The following SLC25A13 variants were observed in gnomAD, a reference collection of about 807,000 sequenced individuals.
SLC25A13 encodes solute carrier family 25 member 13.
A neutral mutation model predicts 85.5 loss-of-function variants in SLC25A13; 70 were observed. The ratio of observed to expected loss-of-function variants is 0.82; its 90% CI spans 0.68 to 1.00. SLC25A13 has a LOEUF of 1.00. Ranked by LOEUF, SLC25A13 falls within the 50% of genes least tolerant of loss-of-function variation. The probability of loss-of-function intolerance (pLI) is 0.00; values close to 1 mark genes in which losing one functional copy is unlikely to be tolerated. For synonymous variants in SLC25A13, 259 were observed against 288.7 expected, an observed-to-expected ratio of 0.90 and a Z score of 1.04; for missense variants, 765 against 819.8, an observed-to-expected ratio of 0.93 and a Z score of 0.82.
chr7:96,149,857 G>A (rs2116493849), intron 13 of SLC25A13, among the ~76,000 whole-genome samples: 1 of 152,318 alleles, frequency 6.6e-6, no homozygotes, highest in African/African-American at 2.4e-5. Flanking sequence ...CTCTTTTGCA[G>A]AGATCAAAGA....
At chr7:96,275,453 C>G (rs1276667771) in intron 3 of SLC25A13, among the ~76,000 whole-genome samples, 5 of 152,156 alleles carry the variant, frequency 3.3e-5, no homozygotes, top group Non-Finnish European at 7.3e-5. Context: ...TATTGTGGCA[C>G]TATTCACAAT....
At chr7:96,146,524 C>G in intron 14 of SLC25A13, 32 bp downstream of exon 14, 2 of 1,595,698 alleles carry the variant, frequency 1.3e-6, no homozygotes, top group Non-Finnish European at 1.7e-6. Flanking sequence ...AGAAAGTAAT[C>G]AAATAAATGA....
At chr7:96,280,364 C>T (rs934064022) in intron 2 of SLC25A13, among the ~76,000 whole-genome samples, 1 of 152,054 alleles carries the variant, frequency 6.6e-6, no homozygotes, top group African/African-American at 2.4e-5. Flanking sequence ...CCACAAATGA[C>T]CTTTAGAATC....
rs369600768 is a variant in SLC25A13, at chr7:96,249,736, T to C, written c.213-14819A>G. 5.9e-5 allele frequency among the ~76,000 whole-genome samples: 9 copies of C among 152,276 alleles called. No individual in the cohort carries two copies. In the East Asian group the frequency reaches 1.2e-3, roughly 20 times the overall value. Reference sequence around the variant, plus strand: ...AAATTAGAAACTGTTGGGAGTACTTTATATTTTTGCAAGAGGAAATTAAGC... The same window carrying C: ...AAATTAGAAACTGTTGGGAGTACTTCATATTTTTGCAAGAGGAAATTAAGC... On this transcript the variant is annotated intron_variant, in intron 3 of 17. Transcript: ENST00000265631.
chr7:96,173,176 G>GA (rs1794079650), intron 11 of SLC25A13, among the ~76,000 whole-genome samples: 1 of 152,194 alleles, frequency 6.6e-6, no homozygotes, highest in South Asian at 2.1e-4. Flanking sequence ...TGTTTTCATG[G>GA]AAAAATGGGA....
intron 3 of SLC25A13, among the ~76,000 whole-genome samples, chr7:96,273,491 G>A (rs1444163545): frequency 6.6e-6 from 1 of 152,114 alleles, no homozygotes; most frequent in Admixed American, 6.6e-5. Context: ...AATAGCATGG[G>A]GGGTTATGTA....
chr7:96,185,855 G>A (rs759833760), intron 9 of SLC25A13, among the ~76,000 whole-genome samples: 4 of 147,974 alleles, frequency 2.7e-5, no homozygotes, highest in African/African-American at 1.0e-4. Context: ...AGCCGAGATC[G>A]CGCCACTGCA....
intron 13 of SLC25A13, among the ~76,000 whole-genome samples, chr7:96,157,406 C>T (rs961089424): frequency 2.0e-5 from 3 of 152,182 alleles, no homozygotes; most frequent in Non-Finnish European, 2.9e-5. Flanking sequence ...CTCCTCCTTA[C>T]GGTTTTGCCA....
At chr7:96,167,934 C>G (rs1026657598) in intron 13 of SLC25A13, among the ~76,000 whole-genome samples, 2 of 151,644 alleles carry the variant, frequency 1.3e-5, no homozygotes, top group African/African-American at 4.8e-5. Context: ...CTAGTCTCTA[C>G]TAAAAATGCA....
At chr7:96,241,097 A>AGAAAGAAG (rs1554363826) in intron 3 of SLC25A13, among the ~76,000 whole-genome samples, 1 of 143,182 alleles carries the variant, frequency 7.0e-6, no homozygotes, top group African/African-American at 2.6e-5. Context: ...AAAGAAAGAA[A>AGAAAGAAG]GAAAGAAAGG....
chr7:96,148,477 G>A (rs986112627), intron 13 of SLC25A13, among the ~76,000 whole-genome samples: 5 of 152,184 alleles, frequency 3.3e-5, no homozygotes, highest in African/African-American at 1.2e-4. Flanking sequence ...GCAGAATGAT[G>A]AGTTGAAACA....
chr7:96,297,011 C>T (rs1799376405), intron 1 of SLC25A13, 60 bp from the exon 2 acceptor site: 16 of 1,407,580 alleles, frequency 1.1e-5, no homozygotes, highest in East Asian at 4.6e-5. Context: ...TCAAGCTAGC[C>T]GACTAAAGGA....
At chr7:96,288,252 G>GA (rs1323127312) in intron 2 of SLC25A13, among the ~76,000 whole-genome samples, 1 of 152,188 alleles carries the variant, frequency 6.6e-6, no homozygotes, top group Non-Finnish European at 1.5e-5. Flanking sequence ...CCAGCATGGG[G>GA]AAACCCGTCT....
intron 1 of SLC25A13, among the ~76,000 whole-genome samples, chr7:96,311,731 A>G (rs1314282101): frequency 6.6e-6 from 1 of 152,306 alleles, no homozygotes; most frequent in East Asian, 1.9e-4. Flanking sequence ...AAAACTGAAG[A>G]GAAGAACTCA....
chr7:96,221,077 C>T (rs1460826829), intron 4 of SLC25A13, among the ~76,000 whole-genome samples: 1 of 152,126 alleles, frequency 6.6e-6, no homozygotes, highest in African/African-American at 2.4e-5. Flanking sequence ...ATTATCCCAC[C>T]AACTGGAAGT....
At chr7:96,288,728 G>A (rs1327891075) in intron 2 of SLC25A13, among the ~76,000 whole-genome samples, 5 of 152,168 alleles carry the variant, frequency 3.3e-5, no homozygotes, top group African/African-American at 9.7e-5. Flanking sequence ...GGGGAGGGGC[G>A]CCCACCATTG....
chr7:96,126,335 A>G (rs917618793), intron 15 of SLC25A13, among the ~76,000 whole-genome samples: 1 of 152,098 alleles, frequency 6.6e-6, no homozygotes, highest in Non-Finnish European at 1.5e-5. Flanking sequence ...TTTTTCCTGC[A>G]TCTGTGGTAG....
chr7:96,122,929 C>CT (rs1051800716), intron 15 of SLC25A13, among the ~76,000 whole-genome samples: 11 of 152,128 alleles, frequency 7.2e-5, no homozygotes, highest in Non-Finnish European at 1.6e-4. Flanking sequence ...ATCTCCTTTG[C>CT]TTTTTTTAAG....
At chr7:96,157,974 A>G (rs1047009436) in intron 13 of SLC25A13, among the ~76,000 whole-genome samples, 5 of 152,230 alleles carry the variant, frequency 3.3e-5, no homozygotes, top group African/African-American at 1.2e-4. Context: ...GTGGACAAGT[A>G]GGTTTAACAG....
Sources: allele counts gnomAD v4.1 joint callset (sites outside exome capture counted in the v4.1 genomes callset), GRCh38; gene constraint gnomAD v4.1.1; transcripts MANE v1.5; gene names NCBI Gene and HGNC (gene_info 2026-07-23, HGNC 2026-07-21).